Variants in NTM observed in about 807,000 individuals in gnomAD.
NTM encodes the protein IgLON family member 2.
Under a neutral mutation model 42.1 loss-of-function variants are expected in NTM, and 13 were observed. The ratio of observed to expected loss-of-function variants is 0.31; its 90% CI spans 0.20 to 0.49. The LOEUF (loss-of-function observed/expected upper bound fraction) is 0.49, where lower values mean the gene tolerates loss of function less well. NTM is among the 20% of genes least tolerant of loss of function. NTM has a pLI of 0.99. For synonymous variants in NTM, 187 were observed against 179.2 expected (o/e 1.04, Z -0.35); for missense variants, 373 against 452.8 (o/e 0.82, Z 1.60).
At chr11:132,301,997 A>G (rs984817195) in intron 4 of NTM, among the ~76,000 whole-genome samples, 1 of 152,212 alleles carries the variant, frequency 6.6e-6, no homozygotes, top group Non-Finnish European at 1.5e-5. Flanking sequence ...AAGATTTTTA[A>G]TGCCCAATCT....
intron 1 of NTM, among the ~76,000 whole-genome samples, chr11:131,415,378 T>C (rs555984064): frequency 1.3e-5 from 2 of 152,330 alleles, no homozygotes; most frequent in Admixed American, 6.5e-5. Context: ...GAGCACACAC[T>C]GAATGCTATT....
chr11:132,075,461 A>G (rs1176436438), intron 2 of NTM, among the ~76,000 whole-genome samples: 2 of 152,056 alleles, frequency 1.3e-5, no homozygotes, highest in Non-Finnish European at 1.5e-5. Context: ...CTATTCCAAG[A>G]TGGGATTCCA....
chr11:131,706,814 C>T (rs529827219), intron 1 of NTM, among the ~76,000 whole-genome samples: 4 of 151,916 alleles, frequency 2.6e-5, no homozygotes, highest in Admixed American at 2.6e-4. Flanking sequence ...CATACCAAAA[C>T]ACATAGCATG....
intron 1 of NTM, chr11:131,536,619 T>C (rs961408486): frequency 3.3e-5 from 5 of 152,240 alleles, no homozygotes; most frequent in Non-Finnish European, 5.9e-5. Flanking sequence ...ATCAGAAATT[T>C]ACCTGCTACT....
intron 1 of NTM, among the ~76,000 whole-genome samples, chr11:131,505,015 T>C (rs1206246087): frequency 6.6e-6 from 1 of 152,160 alleles, no homozygotes; most frequent in Non-Finnish European, 1.5e-5. Context: ...AGGGTGCTGC[T>C]CTATACCACA....
At chr11:131,948,256 T>G (rs2060570224) in intron 2 of NTM, among the ~76,000 whole-genome samples, 1 of 151,454 alleles carries the variant, frequency 6.6e-6, no homozygotes, top group Admixed American at 6.6e-5. Flanking sequence ...TCCCCGCTAC[T>G]TGGGAGGCTG....
intron 2 of NTM, among the ~76,000 whole-genome samples, chr11:132,135,639 C>T (rs566791202): frequency 9.2e-5 from 14 of 152,314 alleles, no homozygotes; most frequent in East Asian, 5.8e-4. Context: ...CCCTGGGGGA[C>T]GCAAACCCTA....
intron 2 of NTM, among the ~76,000 whole-genome samples, chr11:132,027,976 G>GT (rs1243456396): frequency 6.6e-6 from 1 of 150,446 alleles, no homozygotes; most frequent in Non-Finnish European, 1.5e-5. Context: ...AGGTTCACTG[G>GT]TTTTTCCTTG....
chr11:131,485,416 T>A (rs1014214803), intron 1 of NTM, among the ~76,000 whole-genome samples: 9 of 152,100 alleles, frequency 5.9e-5, no homozygotes, highest in Non-Finnish European at 2.9e-5. Context: ...TTTGCAGGTG[T>A]GTGTGAGGGG....
Position 131,789,482 on chromosome 11 carries a change from AAGAAGAAGAGGAAAGAAGAAG to A in NTM, c.83-122080_83-122060del, listed in dbSNP as rs1565550629. ...GAAGAAGAAGAAGAAGAAGAAGAAGAAGAAGAAGAGGAAAGAAGAAGAAGAAGAAGAAGAAGAAGAAGAAGA... is the reference window on the plus strand; with the variant it reads ...GAAGAAGAAGAAGAAGAAGAAGAAGAAAGAAGAAGAAGAAGAAGAAGAAGA... On this transcript the variant is annotated intron_variant, in intron 1 of 8. Transcript: ENST00000683400. Among the ~76,000 whole-genome samples the A allele has an allele frequency of 1.1e-3, 13 of 11,414 alleles. 5 individuals carry two copies. The highest frequency in any genetic ancestry group is 0.042 in the Middle Eastern group (1 of 24). The allele number at this position is 11,414 out of a possible 152,430, so 7.5% of individuals were successfully genotyped here.
intron 1 of NTM, among the ~76,000 whole-genome samples, chr11:131,838,212 C>G (rs2043766442): frequency 2.0e-5 from 3 of 152,074 alleles, no homozygotes; most frequent in Admixed American, 2.0e-4. Context: ...CGGCACAGGT[C>G]CTGCGCATGC....
chr11:131,822,451 T>C (rs999767345), intron 1 of NTM, among the ~76,000 whole-genome samples: 2 of 152,216 alleles, frequency 1.3e-5, no homozygotes, highest in African/African-American at 2.4e-5. Context: ...ATTATGGTTT[T>C]TTTAAAAAAA....
chr11:131,955,413 G>C (rs527960535), intron 2 of NTM, among the ~76,000 whole-genome samples: 1 of 152,280 alleles, frequency 6.6e-6, no homozygotes, highest in Non-Finnish European at 1.5e-5. Context: ...TATGGCAACT[G>C]CTAGGCCTTC....
intron 2 of NTM, among the ~76,000 whole-genome samples, chr11:131,940,294 A>G (rs2059658180): frequency 6.6e-6 from 1 of 152,190 alleles, no homozygotes; most frequent in Non-Finnish European, 1.5e-5. Flanking sequence ...TAAATAATAC[A>G]ATGGAATCAC....
At chr11:132,139,625 T>C (rs1010649767) in intron 2 of NTM, among the ~76,000 whole-genome samples, 1 of 152,186 alleles carries the variant, frequency 6.6e-6, no homozygotes, top group Non-Finnish European at 1.5e-5. Flanking sequence ...ATTACAGAAG[T>C]GGAGGGGGAC....
intron 1 of NTM, chr11:131,911,290 G>A (rs1592770402): frequency 2.1e-6 from 3 of 1,428,964 alleles, no homozygotes; most frequent in East Asian, 5.0e-5. Flanking sequence ...GGCAAAAGCC[G>A]AGGCTGGATT....
Position 131,679,713 on chromosome 11 carries a change from G to A in NTM, c.83-231851G>A, listed in dbSNP as rs890615994. Among the ~76,000 whole-genome samples, 4 of 151,576 alleles carry A rather than the reference G, an allele frequency of 2.6e-5. No individual in the cohort carries two copies. The South Asian group carries it at 6.3e-4, about 24-fold the overall frequency. ...GTAAAAATGTTACAGCATCTGTATC[G>A]CTTGAAACTTCTTTGAAATGTAAAA... is the stretch of plus-strand genomic sequence containing the variant. On this transcript the variant is annotated intron_variant, in intron 1 of 8. Coordinates refer to ENST00000683400, the MANE Select transcript of NTM (RefSeq NM_001352005.2).
chr11:131,408,718 C>T (rs1946074225), intron 1 of NTM, among the ~76,000 whole-genome samples: 1 of 152,136 alleles, frequency 6.6e-6, no homozygotes, highest in Non-Finnish European at 1.5e-5. Flanking sequence ...CTAACTCAAG[C>T]CCAAGTTCAT....
At chr11:131,576,038 C>T (rs1357520806) in intron 1 of NTM, among the ~76,000 whole-genome samples, 1 of 152,100 alleles carries the variant, frequency 6.6e-6, no homozygotes, top group African/African-American at 2.4e-5. Flanking sequence ...ATATATATGT[C>T]GGCAGAAAGC....
Sources: gnomAD v4.1 joint callset for allele counts (sites outside exome capture counted in the v4.1 genomes callset) on GRCh38, gnomAD v4.1.1 for gene constraint, MANE v1.5 for transcripts, NCBI Gene and HGNC (gene_info 2026-07-23, HGNC 2026-07-21) for gene names.